GTSE1: variants seen among roughly 807,000 people sequenced by gnomAD.
GTSE1 encodes the protein G2 and S phase-expressed protein 1.
GTSE1 carries 52 observed loss-of-function variants against 60.5 expected under a neutral mutation model. That is an observed-to-expected ratio of 0.86 (90% CI 0.69 to 1.08). The LOEUF (loss-of-function observed/expected upper bound fraction) is 1.08, where lower values mean the gene tolerates loss of function less well. Ranked by LOEUF, GTSE1 falls within the 50% of genes least tolerant of loss-of-function variation. The probability of loss-of-function intolerance (pLI) is 0.00; values close to 1 mark genes in which losing one functional copy is unlikely to be tolerated. For synonymous variants in GTSE1, 368 were observed against 386.5 expected (o/e 0.95, Z 0.56); for missense variants, 937 against 961.8 (o/e 0.97, Z 0.34).
chr22:46,308,320 G>A lies in GTSE1; in HGVS notation c.139G>A (p.Ala47Thr), dbSNP rs2077726690. Reference sequence around the variant, plus strand: ...ATCATTCTTTTTTTAAACAAATAGTGCAAATGAAGATGATGAAGTCTTCTT... The same window carrying A: ...ATCATTCTTTTTTTAAACAAATAGTACAAATGAAGATGATGAAGTCTTCTT... Reference protein sequence around the residue: ...DFDLSLSSSSANEDDEVFFGP... With the variant: ...DFDLSLSSSSTNEDDEVFFGP... Residue 47 changes from alanine to threonine, a missense_variant and splice_region_variant, in exon 4 of 12, where the codon GCA (alanine) becomes ACA (threonine). Coordinates refer to ENST00000454366, the MANE Select transcript of GTSE1 (RefSeq NM_016426.7). 6.2e-7 allele frequency: 1 copy of A among 1,612,264 alleles called. No homozygotes were observed. The highest frequency in any genetic ancestry group is 8.5e-7 in the Non-Finnish European group (1 of 1,178,572).
At chr22:46,305,776 G>A (rs1396879949) in intron 2 of GTSE1, among the ~76,000 whole-genome samples, 6 of 143,198 alleles carry the variant, frequency 4.2e-5, no homozygotes, top group South Asian at 4.5e-4. Context: ...GTGTGGTGGC[G>A]CGCGCCTGTA....
chr22:46,326,383 TC>T, intron 8 of GTSE1, 52 bp from the exon 9 acceptor site: 1 of 1,428,738 alleles, frequency 7.0e-7, no homozygotes, highest in Non-Finnish European at 9.7e-7. Flanking sequence ...AATGATGAGA[TC>T]TTACTTTTTC....
Position 46,330,211 on chromosome 22 carries a change from G to A in GTSE1, c.*81G>A, listed in dbSNP as rs1972971301. 1.2e-6 allele frequency: 1 copy of A among 847,168 alleles called. No homozygotes were observed. Among genetic ancestry groups the A allele is most frequent in the Admixed American group, 1.8e-5 (1 of 54,686 alleles). 52.5% of individuals were successfully genotyped at this position (847,168 alleles called of 1,614,324 possible). A position where few individuals can be genotyped will look rare whatever the true frequency, so the allele number is the denominator to read the frequency against. On this transcript the variant is annotated 3_prime_UTR_variant, in exon 12 of 12. Transcript: ENST00000454366. The surrounding 1 kb of genome is among the most constrained non-coding windows in gnomAD (Gnocchi z 6.0). ...AGAAACAAGCTTTAGGCTGGTCGCA[G>A]TGGCTTACACTTGTAACCCTAGAAC... is the stretch of plus-strand genomic sequence containing the variant.
intron 3 of GTSE1, 22 bp from the exon 4 acceptor site, chr22:46,308,293 TAATC>T: frequency 6.2e-7 from 1 of 1,609,940 alleles, no homozygotes; most frequent in Non-Finnish European, 8.5e-7. Context: ...TATGAGTTAT[TAATC>T]ATTCTTTTTT....
Position 46,299,878 on chromosome 22 carries a change from C to T in GTSE1, c.79+2399C>T, listed in dbSNP as rs147298597. 6.1e-3 allele frequency among the ~76,000 whole-genome samples: 915 copies of T among 151,222 alleles called. 7 individuals carry two copies. The highest frequency in any genetic ancestry group is 0.021 in the African/African-American group (848 of 41,172). On this transcript the variant is annotated intron_variant, in intron 2 of 11. Transcript: ENST00000454366. ...CGTGATCTCGGCTTACTGCAACCTC[C>T]GCCTCTTGGGTTCAAGCAATTCTCC...
chr22:46,302,957 T>C (rs1188971597), intron 2 of GTSE1, among the ~76,000 whole-genome samples: 3 of 150,346 alleles, frequency 2.0e-5, no homozygotes. Flanking sequence ...TGGAGTGCAG[T>C]GGCGTGATCT....
Position 46,313,996 on chromosome 22 carries a change from C to T in GTSE1, c.1034C>T (p.Ser345Phe), listed in dbSNP as rs2077764365. ...VWSGASSACT[S>F]PAVGKAKSSE... is the part of the protein sequence containing the mutation. ...AGCGGGGCATCCAGTGCGTGCACAT[C>T]CCCAGCAGTGGGCAAAGGTGAGGCA... Residue 345 changes from serine to phenylalanine, a missense_variant, in exon 6 of 12, where the codon TCC becomes TTC. Physicochemically the swap from Ser to Phe is radical, Grantham distance 155. Coordinates refer to ENST00000454366, the MANE Select transcript of GTSE1 (RefSeq NM_016426.7). This position sits in a 1 kb window ranked among gnomAD's most constrained non-coding sequence, Gnocchi z 4.4. The T allele has an allele frequency of 1.9e-6, 3 of 1,614,006 alleles. No homozygotes were observed. The highest frequency in any genetic ancestry group is 1.3e-5 in the African/African-American group (1 of 74,938).
chr22:46,298,760 A>G (rs1050369181), intron 2 of GTSE1, among the ~76,000 whole-genome samples: 1 of 152,110 alleles, frequency 6.6e-6, no homozygotes, highest in African/African-American at 2.4e-5. Flanking sequence ...TTCCACGTGC[A>G]TACTGCACCC....
intron 5 of GTSE1, among the ~76,000 whole-genome samples, chr22:46,312,813 G>A (rs893214571): frequency 8.5e-5 from 13 of 152,118 alleles, no homozygotes; most frequent in African/African-American, 3.1e-4. Context: ...TGTAGGTGGG[G>A]ATATTCCGTT....
intron 8 of GTSE1, among the ~76,000 whole-genome samples, chr22:46,323,727 G>A (rs1044040413): frequency 2.0e-4 from 31 of 151,832 alleles, no homozygotes; most frequent in African/African-American, 7.0e-4. Context: ...TTGCTCTGTC[G>A]CCCAGGCTGG....
At position 46,319,064 on chromosome 22, in the gene GTSE1, G is replaced by T. The variant is rs1013091195; in HGVS notation, c.1432+2652G>T. On this transcript the variant is annotated intron_variant, in intron 7 of 11. Transcript: ENST00000454366. This position sits in a 1 kb window ranked among gnomAD's most constrained non-coding sequence, Gnocchi z 5.0. Reference sequence around the variant, plus strand: ...TGCTAGGACACGTTGTCTTTATTCCGCACACAGCTGAAATTTCTTACTGAG... The same window carrying T: ...TGCTAGGACACGTTGTCTTTATTCCTCACACAGCTGAAATTTCTTACTGAG... Among the ~76,000 whole-genome samples, 2 of 152,122 alleles carry T rather than the reference G, an allele frequency of 1.3e-5. No individual in the cohort carries two copies. Among genetic ancestry groups the T allele is most frequent in the African/African-American group, 4.8e-5 (2 of 41,412 alleles).
intron 4 of GTSE1, among the ~76,000 whole-genome samples, chr22:46,311,062 GT>G (rs371422576): frequency 0.15 from 22,191 of 146,624 alleles, 2,198 homozygotes; most frequent in African/African-American, 0.28. Context: ...GGTACAGGTT[GT>G]TTTTTTTTTT....
rs1003622453 is a variant in GTSE1, at chr22:46,297,248, G to GC, written c.-21-127dup. 10 of 647,316 alleles carry GC rather than the reference G, an allele frequency of 1.5e-5. No homozygotes were observed. Among genetic ancestry groups the GC allele is most frequent in the Admixed American group, 1.5e-4 (6 of 39,680 alleles). 40.1% of individuals were successfully genotyped at this position (647,316 alleles called of 1,614,324 possible). A position where few individuals can be genotyped will look rare whatever the true frequency, so the allele number is the denominator to read the frequency against. ...CCTGGGATGCGATCATTTCAGAGCG[G>GC]CCCCCGCGCCGCCTCTCCCAGACCT... On this transcript the variant is annotated intron_variant, in intron 1 of 11. Transcript: ENST00000454366. The surrounding 1 kb of genome is among the most constrained non-coding windows in gnomAD (Gnocchi z 4.9).
In GTSE1 at chr22:46,314,107, T is replaced by G; in HGVS notation, c.1051+94T>G. 6.7e-7 allele frequency: 1 copy of G among 1,503,730 alleles called. No individual in the cohort carries two copies. The allele number at this position is 1,503,730 out of a possible 1,614,324, so 93.1% of individuals were successfully genotyped here. ...TGGAGACTGTTTCTGCAGAACCACT[T>G]AGGCTTGGCAGGACGTCCCGGAGGG... On this transcript the variant is annotated intron_variant, in intron 6 of 11. Transcript: ENST00000454366. The surrounding 1 kb of genome is among the most constrained non-coding windows in gnomAD (Gnocchi z 7.1).
intron 7 of GTSE1, among the ~76,000 whole-genome samples, chr22:46,322,652 TA>T (rs1408908255): frequency 1.3e-5 from 2 of 152,158 alleles, no homozygotes; most frequent in Admixed American, 6.5e-5. Flanking sequence ...CTGTTGTGAA[TA>T]TCAGATGAGA....
At chr22:46,323,047 G>A (rs764903805) in intron 7 of GTSE1, 143 bp from the exon 8 acceptor site, 5 of 695,770 alleles carry the variant, frequency 7.2e-6, no homozygotes, top group Admixed American at 1.9e-5. Flanking sequence ...GGCCCTTTGT[G>A]TACTTGTCTG....
At chr22:46,311,724 G>A (rs1017848463) in intron 4 of GTSE1, among the ~76,000 whole-genome samples, 3 of 152,190 alleles carry the variant, frequency 2.0e-5, no homozygotes, top group Non-Finnish European at 4.4e-5. Flanking sequence ...ACTAGACCAA[G>A]AAGATTTATT....
At position 46,308,905 on chromosome 22, in the gene GTSE1, T is replaced by G; in HGVS notation, c.724T>G (p.Ser242Ala). Residue 242 changes from serine to alanine, a missense_variant, in exon 4 of 12, where the codon TCT becomes GCT. Ser to Ala is a moderately conservative substitution (Grantham distance 99, BLOSUM62 1). Coordinates refer to ENST00000454366, the MANE Select transcript of GTSE1 (RefSeq NM_016426.7). ...CAAATTGCTGCTGCCTCGAGCGGCC[T>G]CTGTTAGAGGAAGAAGCATCCCTGG... Reference protein sequence around the residue: ...GTKLLLPRAASVRGRSIPGAA... With the variant: ...GTKLLLPRAAAVRGRSIPGAA... 6.2e-7 allele frequency: 1 copy of G among 1,612,992 alleles called. No individual in the cohort carries two copies.
chr22:46,320,487 C>CT lies in GTSE1; in HGVS notation c.1433-2698dup, dbSNP rs570366589. On this transcript the variant is annotated intron_variant, in intron 7 of 11. Transcript: ENST00000454366. The surrounding 1 kb of genome is among the most constrained non-coding windows in gnomAD (Gnocchi z 7.1). Reference sequence around the variant, plus strand: ...TCTGGGAGGCACGTGGTGGTGTGCACTTTTTGGCTGAGAGCACTGGTGGTG... The same window carrying CT: ...TCTGGGAGGCACGTGGTGGTGTGCACTTTTTTGGCTGAGAGCACTGGTGGTG... 1.8e-3 allele frequency among the ~76,000 whole-genome samples: 273 copies of CT among 152,180 alleles called. 1 individual carries two copies. Among genetic ancestry groups the CT allele is most frequent in the African/African-American group, 6.0e-3 (251 of 41,526 alleles).
Sources: gnomAD v4.1 joint callset for allele counts (sites outside exome capture counted in the v4.1 genomes callset) on GRCh38, gnomAD v4.1.1 for gene constraint, Gnocchi (gnomAD v3.1) non-coding constraint, MANE v1.5 for transcripts, NCBI Gene and HGNC (gene_info 2026-07-23, HGNC 2026-07-21) for gene names.